DLGAP1: variants seen among roughly 807,000 people sequenced by gnomAD.
The protein encoded by DLGAP1 is DLG associated protein 1.
DLGAP1 carries 11 observed loss-of-function variants against 90.8 expected under a neutral mutation model. The observed-to-expected ratio is 0.12, with a 90% confidence interval of 0.08 to 0.20. The LOEUF (loss-of-function observed/expected upper bound fraction) is 0.20. Ranked by LOEUF, DLGAP1 falls within the 10% of genes least tolerant of loss-of-function variation. The probability of loss-of-function intolerance (pLI) is 1.00; values close to 1 mark genes in which losing one functional copy is unlikely to be tolerated. For synonymous variants in DLGAP1, 558 were observed against 540.7 expected (o/e 1.03, Z -0.44); for missense variants, 1,050 against 1,333.8 (o/e 0.79, Z 3.31).
intron 1 of DLGAP1, among the ~76,000 whole-genome samples, chr18:4,299,219 C>T (rs866157424): frequency 2.0e-5 from 3 of 152,096 alleles, no homozygotes; most frequent in Middle Eastern, 6.8e-3. Context: ...CAGTGCACAC[C>T]AAGATTTACA....
At chr18:4,323,969 A>G (rs1299124603) in intron 1 of DLGAP1, among the ~76,000 whole-genome samples, 3 of 152,182 alleles carry the variant, frequency 2.0e-5, no homozygotes, top group African/African-American at 7.2e-5. Context: ...AGAACTAGAG[A>G]AGCAAGAGCA....
intron 1 of DLGAP1, among the ~76,000 whole-genome samples, chr18:4,407,823 C>T (rs1372537862): frequency 6.6e-6 from 1 of 151,798 alleles, no homozygotes; most frequent in African/African-American, 2.4e-5. Flanking sequence ...GGGGAGGTTG[C>T]AGTGAGCCGA....
At chr18:3,626,376 G>T (rs35015087) in intron 7 of DLGAP1, among the ~76,000 whole-genome samples, 57,434 of 150,658 alleles carry the variant, frequency 0.38, 11,700 homozygotes, top group East Asian at 0.52. Context: ...GGAGGATTGC[G>T]TAAGCCCAGG....
intron 7 of DLGAP1, among the ~76,000 whole-genome samples, chr18:3,720,895 A>AAAAAAAAAAAAAAAAAAAG (rs2061953800): frequency 1.4e-5 from 2 of 140,408 alleles, no homozygotes; most frequent in African/African-American, 5.7e-5. Context: ...CTACAAAAAA[A>AAAAAAAAAAAAAAAAAAAG]AAAAAAAAAA....
Position 3,526,830 on chromosome 18 carries a change from C to T in DLGAP1, c.2479+7364G>A, listed in dbSNP as rs2051654298. 6.6e-6 allele frequency among the ~76,000 whole-genome samples: 1 copy of T among 152,188 alleles called. No individual in the cohort carries two copies. The highest frequency in any genetic ancestry group is 1.5e-5 in the Non-Finnish European group (1 of 68,040). On this transcript the variant is annotated intron_variant, in intron 10 of 12. Coordinates refer to ENST00000315677, the MANE Select transcript of DLGAP1 (RefSeq NM_004746.4). This position sits in a 1 kb window ranked among gnomAD's most constrained non-coding sequence, Gnocchi z 4.7. Reference sequence around the variant, plus strand: ...CCACTGTCAAATAGCACTGAGCCATCTCCCTGAGACAGCTGTTTCACACAA... The same window carrying T: ...CCACTGTCAAATAGCACTGAGCCATTTCCCTGAGACAGCTGTTTCACACAA...
At chr18:4,205,882 T>C (rs563313274) in intron 1 of DLGAP1, among the ~76,000 whole-genome samples, 1 of 152,138 alleles carries the variant, frequency 6.6e-6, no homozygotes, top group South Asian at 2.1e-4. Flanking sequence ...AAACTGTGCT[T>C]GATGAAAGAA....
chr18:3,882,904 AT>A, intron 3 of DLGAP1, among the ~76,000 whole-genome samples: 1 of 152,352 alleles, frequency 6.6e-6, no homozygotes, highest in Admixed American at 6.5e-5. Flanking sequence ...CACTAATGTC[AT>A]TTCAGATATT....
At chr18:3,723,249 A>G (rs1326706132) in intron 7 of DLGAP1, among the ~76,000 whole-genome samples, 1 of 152,234 alleles carries the variant, frequency 6.6e-6, no homozygotes, top group Non-Finnish European at 1.5e-5. Context: ...GCCTGATGAC[A>G]GTTAATTTAC....
intron 3 of DLGAP1, among the ~76,000 whole-genome samples, chr18:3,973,305 A>C (rs2073495436): frequency 7.3e-6 from 1 of 137,770 alleles, no homozygotes; most frequent in African/African-American, 2.7e-5. Flanking sequence ...AAAAAAAAAA[A>C]AAAAGTCAAT....
At chr18:4,374,215 G>A (rs1016003971) in intron 1 of DLGAP1, among the ~76,000 whole-genome samples, 1 of 152,068 alleles carries the variant, frequency 6.6e-6, no homozygotes, top group African/African-American at 2.4e-5. Flanking sequence ...CTGTCTAGAG[G>A]ACTATGGAAC....
At chr18:3,881,000 TA>T (rs913640916) in intron 3 of DLGAP1, among the ~76,000 whole-genome samples, 4 of 150,214 alleles carry the variant, frequency 2.7e-5, no homozygotes, top group Admixed American at 6.6e-5. Context: ...AAACTATATT[TA>T]AAAAAAAACC....
chr18:3,795,285 AT>A (rs1251205876), intron 5 of DLGAP1, among the ~76,000 whole-genome samples: 2 of 152,068 alleles, frequency 1.3e-5, no homozygotes, highest in Non-Finnish European at 2.9e-5. Flanking sequence ...ATTTAAAAAT[AT>A]ATTTTCTCCC....
At chr18:4,202,077 G>T (rs1036657759) in intron 1 of DLGAP1, among the ~76,000 whole-genome samples, 2 of 152,104 alleles carry the variant, frequency 1.3e-5, no homozygotes, top group Non-Finnish European at 2.9e-5. Flanking sequence ...CAACCGAAGT[G>T]CCCATTAAGT....
At chr18:4,102,889 TTTA>T (rs1385586279) in intron 2 of DLGAP1, among the ~76,000 whole-genome samples, 2 of 152,218 alleles carry the variant, frequency 1.3e-5, no homozygotes, top group East Asian at 3.8e-4. Context: ...TTAGAGAAAC[TTTA>T]TTACTCAGTC....
chr18:3,688,896 G>T (rs180940539), intron 7 of DLGAP1, among the ~76,000 whole-genome samples: 2 of 152,216 alleles, frequency 1.3e-5, no homozygotes, highest in East Asian at 3.9e-4. Flanking sequence ...TCCACTGCAG[G>T]GACATGTTAA....
intron 5 of DLGAP1, among the ~76,000 whole-genome samples, chr18:3,800,973 C>T (rs73372553): frequency 0.015 from 2,281 of 152,198 alleles, 64 homozygotes; most frequent in African/African-American, 0.052. Flanking sequence ...TTATAGGAAG[C>T]ACGGTGCTGG....
At chr18:3,680,618 CT>C (rs537560400) in intron 7 of DLGAP1, among the ~76,000 whole-genome samples, 300 of 152,114 alleles carry the variant, frequency 2.0e-3, no homozygotes, top group African/African-American at 6.8e-3. Flanking sequence ...AAACCCCTGT[CT>C]CTACTAAAAA....
At chr18:3,929,576 G>A (rs771548210) in intron 3 of DLGAP1, among the ~76,000 whole-genome samples, 116 of 152,192 alleles carry the variant, frequency 7.6e-4, no homozygotes, top group Non-Finnish European at 7.9e-4. Flanking sequence ...CTTACTATGC[G>A]TTACTCTGGG....
At chr18:3,813,960 G>T in intron 5 of DLGAP1, 99 bp downstream of exon 5, 1 of 1,170,208 alleles carries the variant, frequency 8.5e-7, no homozygotes. Flanking sequence ...CCACCTGTAG[G>T]ATGTTTCTGC....
Sources: allele counts gnomAD v4.1 joint callset (sites outside exome capture counted in the v4.1 genomes callset), GRCh38; gene constraint gnomAD v4.1.1; non-coding constraint Gnocchi (gnomAD v3.1); transcripts MANE v1.5; gene names NCBI Gene and HGNC (gene_info 2026-07-23, HGNC 2026-07-21).